Variants in IL17RC observed in about 807,000 individuals in gnomAD.
The protein encoded by IL17RC is interleukin-17 receptor C.
In IL17RC, 53 loss-of-function variants were observed where a neutral mutation model predicts 86.7. That is an observed-to-expected ratio of 0.61 (90% CI 0.49 to 0.77). The LOEUF is 0.77. Ranked by LOEUF, IL17RC falls within the 30% of genes least tolerant of loss-of-function variation. IL17RC has a pLI of 0.00. For synonymous variants in IL17RC, 439 were observed against 413.1 expected, an observed-to-expected ratio of 1.06 and a Z score of -0.76; for missense variants, 957 against 940.0, an observed-to-expected ratio of 1.02 and a Z score of -0.24.
intron 16 of IL17RC, 103 bp downstream of exon 16, chr3:9,931,046 A>C: frequency 1.1e-6 from 1 of 915,996 alleles, no homozygotes; most frequent in Non-Finnish European, 1.8e-6. Context: ...TCCTTCCCTG[A>C]GATCAGATAA....
intron 16 of IL17RC, among the ~76,000 whole-genome samples, chr3:9,931,187 A>G (rs2084622268): frequency 6.6e-6 from 1 of 152,022 alleles, no homozygotes; most frequent in Admixed American, 6.5e-5. Context: ...AGTCACTTAC[A>G]TTTAAAGTGG....
chr3:9,928,703 T>C, intron 12 of IL17RC, 73 bp downstream of exon 12: 1 of 1,494,662 alleles, frequency 6.7e-7, no homozygotes, highest in South Asian at 1.1e-5. Flanking sequence ...GGGTCTTAGT[T>C]CTTGGGCCGC....
chr3:9,917,263 TG>T lies in IL17RC; in HGVS notation c.-44del, dbSNP rs530330109. 2.2e-4 allele frequency: 290 copies of T among 1,301,344 alleles called. 2 individuals are homozygous for T. Among genetic ancestry groups the T allele is most frequent in the South Asian group, 1.0e-3 (72 of 70,806 alleles). 80.6% of individuals were successfully genotyped at this position (1,301,344 alleles called of 1,614,324 possible). A position where few individuals can be genotyped will look rare whatever the true frequency, so the allele number is the denominator to read the frequency against. The stretch of plus-strand genomic sequence containing the variant: ...GGCTGACTGGGGTGTCTGCCCCCCT[TG>T]GGGGGGGGCAGCACAGGGCCTCAGG... On this transcript the variant is annotated 5_prime_UTR_variant, in exon 1 of 19. Coordinates refer to ENST00000403601, the MANE Select transcript of IL17RC (RefSeq NM_153460.4).
chr3:9,923,821 G>A, intron 7 of IL17RC, 60 bp from the exon 8 acceptor site: 2 of 1,583,512 alleles, frequency 1.3e-6, no homozygotes, highest in Non-Finnish European at 1.7e-6. Context: ...CAAAGGGTCA[G>A]TCGGGGATGC....
chr3:9,928,309 C>T lies in IL17RC; in HGVS notation c.882C>T (p.Pro294=). 1 of 1,607,596 alleles carries T rather than the reference C, an allele frequency of 6.2e-7. No homozygotes were observed. The highest frequency in any genetic ancestry group is 8.5e-7 in the Non-Finnish European group (1 of 1,175,494). ...RTNICPFRED[P]RAHQNLWQAA... is the part of the protein sequence containing the mutation. Reference sequence around the variant, plus strand: ...GACTGTGCCCTTTCCTTGCAGACCCCCGCGCACACCAGAACCTCTGGCAAG... The same window carrying T: ...GACTGTGCCCTTTCCTTGCAGACCCTCGCGCACACCAGAACCTCTGGCAAG... The change falls in exon 11 of 19, where the codon CCC becomes CCT. Residue 294 remains proline, a synonymous_variant. Transcript: ENST00000403601.
intron 9 of IL17RC, among the ~76,000 whole-genome samples, chr3:9,924,823 A>G (rs918611602): frequency 9.2e-5 from 14 of 152,078 alleles, no homozygotes; most frequent in African/African-American, 3.4e-4. Context: ...ATTTTTTTAG[A>G]CAAGGTCTCA....
intron 9 of IL17RC, among the ~76,000 whole-genome samples, chr3:9,926,031 CT>C (rs5846649): frequency 0.86 from 77,328 of 89,648 alleles, 33,431 homozygotes; most frequent in Middle Eastern, 0.92. Flanking sequence ...TAATTGTTTC[CT>C]TTTTTTTTTT....
In IL17RC at chr3:9,933,240, G is replaced by T. The variant is rs1489693033; in HGVS notation, c.1810G>T (p.Gly604Cys). The T allele has an allele frequency of 6.2e-7, 1 of 1,605,448 alleles. No homozygotes were observed. The highest frequency in any genetic ancestry group is 1.7e-5 in the Admixed American group (1 of 59,266). Reference protein sequence around the residue: ...QDGVSGPGAHGPHDAFRASLS... With the variant: ...QDGVSGPGAHCPHDAFRASLS... ...TGGGGTGTCCGGGCCCGGGGCGCAC[G>T]GCCCGCACGACGCCTTCCGCGCCTC... is the stretch of plus-strand genomic sequence containing the variant. The change falls in exon 19 of 19, where the codon GGC becomes TGC. Residue 604 changes from glycine (G) to cysteine (C), a missense_variant. Physicochemically the swap from Gly to Cys is radical, Grantham distance 159. Coordinates refer to ENST00000403601, the MANE Select transcript of IL17RC (RefSeq NM_153460.4).
At position 9,917,299 on chromosome 3, in the gene IL17RC, C is replaced by G; in HGVS notation, c.-17C>G. 1.9e-6 allele frequency: 3 copies of G among 1,606,352 alleles called. No individual in the cohort carries two copies. The highest frequency in any genetic ancestry group is 2.6e-6 in the Non-Finnish European group (3 of 1,175,362). On this transcript the variant is annotated 5_prime_UTR_variant, in exon 1 of 19. Coordinates refer to ENST00000403601, the MANE Select transcript of IL17RC (RefSeq NM_153460.4). The stretch of plus-strand genomic sequence containing the variant: ...AGCACAGGGCCTCAGGCCTGGGTGC[C>G]ACCTGGCACCTAGAAGATGCCTGTG...
In IL17RC at chr3:9,928,234, C is replaced by G; in HGVS notation, c.877+14C>G. 1 of 1,581,178 alleles carries G rather than the reference C, an allele frequency of 6.3e-7. No individual in the cohort carries two copies. The highest frequency in any genetic ancestry group is 8.5e-7 in the Non-Finnish European group (1 of 1,173,338). ...CCTTCAGGGAGGGTGAGCCGACCGG[C>G]CTGGGGCTGGGGTTGGGGTGTTGCG... On this transcript the variant is annotated intron_variant, in intron 10 of 18. Transcript: ENST00000403601.
At position 9,929,910 on chromosome 3, in the gene IL17RC, T is replaced by G; in HGVS notation, c.1156+13T>G. ...TGCTTGTGGGCTGGTGAGTTGGGCCTGGGGGCAGCTGGGGCAGGGCCACCT... is the reference window on the plus strand; with the variant it reads ...TGCTTGTGGGCTGGTGAGTTGGGCCGGGGGGCAGCTGGGGCAGGGCCACCT... On this transcript the variant is annotated intron_variant, in intron 13 of 18. Transcript: ENST00000403601. The G allele has an allele frequency of 6.2e-7, 1 of 1,614,020 alleles. No homozygotes were observed.
In IL17RC at chr3:9,933,400, C is replaced by T; in HGVS notation, c.1970C>T (p.Ser657Phe). The T allele has an allele frequency of 1.2e-6, 2 of 1,613,276 alleles. No individual in the cohort carries two copies. Among genetic ancestry groups the T allele is most frequent in the Non-Finnish European group, 1.7e-6 (2 of 1,179,792 alleles). ...ACCGTGCCCGTCTTCACACTGCCCT[C>T]CCAACTGCCAGACTTCCTGGGGGCC... The part of the protein sequence containing the change: ...FRTVPVFTLP[S>F]QLPDFLGALQ... The change falls in exon 19 of 19, where the codon TCC becomes TTC. Residue 657 changes from serine (S) to phenylalanine (F), a missense_variant. Ser to Phe is a radical substitution (Grantham distance 155). Transcript: ENST00000403601.
rs1430710435 is a variant in IL17RC, at chr3:9,930,860, G to A, written c.1339-35G>A. 3 of 1,604,650 alleles carry A rather than the reference G, an allele frequency of 1.9e-6. No homozygotes were observed. The highest frequency in any genetic ancestry group is 2.6e-6 in the Non-Finnish European group (3 of 1,171,434). Reference sequence around the variant, plus strand: ...TTGGTGAATATTGGAACACCTGGCTGGTGCCCTGGATTTGGTTCTGTTTGT... The same window carrying A: ...TTGGTGAATATTGGAACACCTGGCTAGTGCCCTGGATTTGGTTCTGTTTGT... On this transcript the variant is annotated intron_variant, in intron 15 of 18. Transcript: ENST00000403601. This position sits in a 1 kb window ranked among gnomAD's most constrained non-coding sequence, Gnocchi z 5.8.
rs778401460 is a variant in IL17RC at position 9,933,349 on chromosome 3, C to T, written c.1919C>T (p.Pro640Leu). The T allele has an allele frequency of 1.9e-6, 3 of 1,610,728 alleles. No homozygotes were observed. The African/African-American group carries it at 4.0e-5, about 22-fold the overall frequency. The change falls in exon 19 of 19, where the codon CCG (proline) becomes CTG (leucine). Residue 640 changes from proline (P) to leucine (L), a missense_variant. By Grantham distance (98) the Pro-to-Leu change is moderately conservative. Coordinates refer to ENST00000403601, the MANE Select transcript of IL17RC (RefSeq NM_153460.4). ...GCCTGCTTCGACAGGCTGCTCCACC[C>T]GGACGCCGTACCCGCCCTTTTCCGC... Reference protein sequence around the residue: ...VGACFDRLLHPDAVPALFRTV... With the variant: ...VGACFDRLLHLDAVPALFRTV...
chr3:9,931,474 T>TATATATATAC (rs2084680347), intron 16 of IL17RC, among the ~76,000 whole-genome samples: 1 of 7,616 alleles, frequency 1.3e-4, no homozygotes, highest in African/African-American at 2.0e-4. Flanking sequence ...CACACACATA[T>TATATATATAC]ATATATATAT....
chr3:9,931,470 C>CATATATATATAT (rs1553593529), intron 16 of IL17RC, among the ~76,000 whole-genome samples: 459 of 43,292 alleles, frequency 0.011, 2 homozygotes, highest in Non-Finnish European at 0.021. Flanking sequence ...CACACACACA[C>CATATATATATAT]ATATATATAT....
At chr3:9,926,614 G>GTT (rs373869167) in intron 9 of IL17RC, among the ~76,000 whole-genome samples, 10 of 146,494 alleles carry the variant, frequency 6.8e-5, no homozygotes, top group African/African-American at 2.0e-4. Flanking sequence ...TTGTGTTTTT[G>GTT]TTTTTTTTTT....
At chr3:9,917,456 C>T in intron 1 of IL17RC, 36 bp downstream of exon 1, 1 of 1,614,232 alleles carries the variant, frequency 6.2e-7, no homozygotes, top group Non-Finnish European at 8.5e-7. Flanking sequence ...AGGAAAGGCT[C>T]AGGGTTCAGT....
At position 9,932,958 on chromosome 3, in the gene IL17RC, G is replaced by T; in HGVS notation, c.1528G>T (p.Ala510Ser). ...LKQDVRSGAA[A>S]RGRAALLLYS... Reference sequence around the variant, plus strand: ...CCATCTGTTTTCTCCGGCAGCGGCCGCCAGGGGCCGCGCGGCTCTGCTCCT... The same window carrying T: ...CCATCTGTTTTCTCCGGCAGCGGCCTCCAGGGGCCGCGCGGCTCTGCTCCT... The change falls in exon 19 of 19, where the codon GCC (alanine) becomes TCC (serine). Residue 510 changes from alanine (A) to serine (S), a missense_variant. By Grantham distance (99) the Ala-to-Ser change is moderately conservative. Transcript: ENST00000403601. 6.2e-7 allele frequency: 1 copy of T among 1,606,842 alleles called. No homozygotes were observed. The highest frequency in any genetic ancestry group is 8.5e-7 in the Non-Finnish European group (1 of 1,178,152).
Sources: allele counts gnomAD v4.1 joint callset (sites outside exome capture counted in the v4.1 genomes callset), GRCh38; gene constraint gnomAD v4.1.1; non-coding constraint Gnocchi (gnomAD v3.1); transcripts MANE v1.5; gene names NCBI Gene and HGNC (gene_info 2026-07-23, HGNC 2026-07-21).